GALNT18: variants seen among roughly 807,000 people sequenced by gnomAD.
GALNT18 encodes polypeptide N-acetylgalactosaminyltransferase 18.
Under a neutral mutation model 69.5 loss-of-function variants are expected in GALNT18, and 44 were observed. The ratio of observed to expected loss-of-function variants is 0.63; its 90% CI spans 0.50 to 0.81. GALNT18 has a LOEUF of 0.81. GALNT18 is among the 40% of genes least tolerant of loss of function. GALNT18 has a pLI of 0.00. For missense variants in GALNT18, 715 were observed against 810.0 expected (o/e 0.88, Z 1.42); for synonymous variants, 364 against 318.2 (o/e 1.14, Z -1.53).
At chr11:11,559,710 T>C (rs555092611) in intron 1 of GALNT18, among the ~76,000 whole-genome samples, 6 of 137,354 alleles carry the variant, frequency 4.4e-5, no homozygotes, top group Non-Finnish European at 7.8e-5. Context: ...GAATGAGATA[T>C]GATGAGATAG....
chr11:11,429,251 C>T (rs569788246), intron 3 of GALNT18, among the ~76,000 whole-genome samples: 27 of 152,256 alleles, frequency 1.8e-4, no homozygotes, highest in African/African-American at 5.8e-4. Flanking sequence ...TCTCTGCCCA[C>T]GGAGACTGTG....
intron 6 of GALNT18, among the ~76,000 whole-genome samples, chr11:11,358,125 A>T (rs1231471506): frequency 2.2e-5 from 2 of 91,586 alleles, no homozygotes; most frequent in African/African-American, 8.0e-5. Flanking sequence ...GTTTTCAGAA[A>T]TGGTCACATA....
intron 1 of GALNT18, among the ~76,000 whole-genome samples, chr11:11,545,498 T>C (rs1858032845): frequency 6.6e-6 from 1 of 152,218 alleles, no homozygotes; most frequent in African/African-American, 2.4e-5. Context: ...TGCCCACCTG[T>C]GGCAGGTATG....
intron 1 of GALNT18, among the ~76,000 whole-genome samples, chr11:11,458,130 C>T (rs905433695): frequency 6.6e-6 from 1 of 152,208 alleles, no homozygotes; most frequent in African/African-American, 2.4e-5. Context: ...GCTATTCGCT[C>T]TCTTTGGGAA....
intron 6 of GALNT18, among the ~76,000 whole-genome samples, chr11:11,368,002 G>A (rs1365312739): frequency 6.6e-6 from 1 of 152,180 alleles, no homozygotes; most frequent in Non-Finnish European, 1.5e-5. Flanking sequence ...AGAGATACAA[G>A]CTGCTGTGCT....
rs1464035266 is a variant in GALNT18 at position 11,383,842 on chromosome 11, TCTCTCTCTCC to T, written c.596-4588_596-4579del. Among the ~76,000 whole-genome samples the T allele has an allele frequency of 6.6e-6, 1 of 151,872 alleles. No homozygotes were observed. The highest frequency in any genetic ancestry group is 1.9e-4 in the East Asian group (1 of 5,184). ...CTCTCTCTCTCTCTCTCTCTCTCTG[TCTCTCTCTCC>T]CTCTCTCTCCTGCCACCTTGTGAAG... On this transcript the variant is annotated intron_variant, in intron 3 of 10. Coordinates refer to ENST00000227756, the MANE Select transcript of GALNT18 (RefSeq NM_198516.3). The surrounding 1 kb of genome is among the most constrained non-coding windows in gnomAD (Gnocchi z 5.2).
In GALNT18 at chr11:11,586,098, T is replaced by C. The variant is rs370819682; in HGVS notation, c.235+35261A>G. On this transcript the variant is annotated intron_variant, in intron 1 of 10. Transcript: ENST00000227756. This position sits in a 1 kb window ranked among gnomAD's most constrained non-coding sequence, Gnocchi z 4.1. ...ACCAAATGCTGAATCTGCTGGCCCCTTGATCTTGGACTTTCCGGCCTCCAG... is the reference window on the plus strand; with the variant it reads ...ACCAAATGCTGAATCTGCTGGCCCCCTGATCTTGGACTTTCCGGCCTCCAG... 2.1e-4 allele frequency among the ~76,000 whole-genome samples: 32 copies of C among 152,292 alleles called. No homozygotes were observed. The highest frequency in any genetic ancestry group is 7.7e-4 in the African/African-American group (32 of 41,566).
At chr11:11,395,601 A>G (rs1275128393) in intron 3 of GALNT18, among the ~76,000 whole-genome samples, 2 of 152,346 alleles carry the variant, frequency 1.3e-5, no homozygotes, top group East Asian at 3.9e-4. Flanking sequence ...TGTGGCAAAT[A>G]GAAGTGGCCA....
chr11:11,271,967 G>A (rs2132969342), intron 10 of GALNT18, among the ~76,000 whole-genome samples: 1 of 152,312 alleles, frequency 6.6e-6, no homozygotes, highest in South Asian at 2.1e-4. Context: ...TTCAGGGCTT[G>A]GACCCTTTGG....
rs1018622444 is a variant in GALNT18, at chr11:11,402,740, A to G, written c.596-23476T>C. 6.6e-6 allele frequency among the ~76,000 whole-genome samples: 1 copy of G among 152,236 alleles called. No homozygotes were observed. Among genetic ancestry groups the G allele is most frequent in the Non-Finnish European group, 1.5e-5 (1 of 68,040 alleles). On this transcript the variant is annotated intron_variant, in intron 3 of 10. Transcript: ENST00000227756. This position sits in a 1 kb window ranked among gnomAD's most constrained non-coding sequence, Gnocchi z 4.0. ...AACCTAAAGTGTGGCATTTTAATGC[A>G]CCTGCCTTGCAGCTGCGGGTAAGAA...
At position 11,341,070 on chromosome 11, in the gene GALNT18, G is replaced by T; in HGVS notation, c.1093-66C>A. 1 of 1,467,626 alleles carries T rather than the reference G, an allele frequency of 6.8e-7. No individual in the cohort carries two copies. The highest frequency in any genetic ancestry group is 9.2e-7 in the Non-Finnish European group (1 of 1,087,056). 90.9% of individuals were successfully genotyped at this position (1,467,626 alleles called of 1,614,324 possible). A position where few individuals can be genotyped will look rare whatever the true frequency, so the allele number is the denominator to read the frequency against. ...TCTGCCTTTCTACACCAGGCCTCAG[G>T]CAGCCACTTGACATGAGCAGGAAGA... On this transcript the variant is annotated intron_variant, in intron 6 of 10. Coordinates refer to ENST00000227756, the MANE Select transcript of GALNT18 (RefSeq NM_198516.3). The surrounding 1 kb of genome is among the most constrained non-coding windows in gnomAD (Gnocchi z 6.3).
intron 3 of GALNT18, among the ~76,000 whole-genome samples, chr11:11,385,948 T>C (rs1854047190): frequency 6.6e-6 from 1 of 151,122 alleles, no homozygotes; most frequent in Non-Finnish European, 1.5e-5. Flanking sequence ...AGGTAGGAAG[T>C]CATGTGAAGA....
intron 1 of GALNT18, among the ~76,000 whole-genome samples, chr11:11,576,098 A>G (rs1657726190): frequency 6.6e-6 from 1 of 152,176 alleles, no homozygotes; most frequent in Admixed American, 6.5e-5. Context: ...TACCTATTGT[A>G]CATTTGTTTC....
intron 6 of GALNT18, among the ~76,000 whole-genome samples, chr11:11,370,390 A>G (rs1479029863): frequency 1.3e-5 from 2 of 152,230 alleles, no homozygotes; most frequent in Non-Finnish European, 2.9e-5. Context: ...TAACCATACA[A>G]AAGGAGAAAA....
Position 11,505,455 on chromosome 11 carries a change from T to C in GALNT18, c.236-56519A>G, listed in dbSNP as rs1011334068. Among the ~76,000 whole-genome samples, 17 of 152,062 alleles carry C rather than the reference T, an allele frequency of 1.1e-4. No homozygotes were observed. The highest frequency in any genetic ancestry group is 1.1e-3 in the Admixed American group (17 of 15,278). The stretch of plus-strand genomic sequence containing the variant: ...AGATCCAAGTAATCAATCACAGCAC[T>C]CTCTCCAGTGTCACCCAGAAACAAC... On this transcript the variant is annotated intron_variant, in intron 1 of 10. Transcript: ENST00000227756. The surrounding 1 kb of genome is among the most constrained non-coding windows in gnomAD (Gnocchi z 4.6).
intron 10 of GALNT18, among the ~76,000 whole-genome samples, chr11:11,288,351 A>G (rs1849233526): frequency 6.6e-6 from 1 of 152,120 alleles, no homozygotes. Context: ...TCTACTTGGG[A>G]TGTTCTATGC....
intron 1 of GALNT18, among the ~76,000 whole-genome samples, chr11:11,556,889 CT>C (rs1358315924): frequency 6.6e-6 from 1 of 152,196 alleles, no homozygotes; most frequent in Non-Finnish European, 1.5e-5. Flanking sequence ...GATCCTATTA[CT>C]AGAAAATCCA....
At chr11:11,570,298 TGATAGCACTGCA>T in intron 1 of GALNT18, 2 of 152,856 alleles carry the variant, frequency 1.3e-5, no homozygotes, top group East Asian at 3.9e-4. Context: ...CAGAACAACC[TGATAGCACTGCA>T]GACCTGTGTC....
Position 11,377,412 on chromosome 11 carries a change from C to A in GALNT18, c.780-33G>T. On this transcript the variant is annotated intron_variant, in intron 4 of 10. Coordinates refer to ENST00000227756, the MANE Select transcript of GALNT18 (RefSeq NM_198516.3). The surrounding 1 kb of genome is among the most constrained non-coding windows in gnomAD (Gnocchi z 4.6). ...GAGAGGAGACAGCCAGAGAGGGTAA[C>A]CATTTCCAAGGTGGAAAAATCCAGA... 1 of 1,604,654 alleles carries A rather than the reference C, an allele frequency of 6.2e-7. No homozygotes were observed. Among genetic ancestry groups the A allele is most frequent in the Middle Eastern group, 2.0e-4 (1 of 5,040 alleles).
Sources: allele counts gnomAD v4.1 joint callset (sites outside exome capture counted in the v4.1 genomes callset), GRCh38; gene constraint gnomAD v4.1.1; non-coding constraint Gnocchi (gnomAD v3.1); transcripts MANE v1.5; gene names NCBI Gene and HGNC (gene_info 2026-07-23, HGNC 2026-07-21).